The following PPFIA2 variants were observed in gnomAD, a reference collection of about 807,000 sequenced individuals.
PPFIA2 encodes PPFI scaffold protein A2.
In PPFIA2, 46 loss-of-function variants were observed where a neutral mutation model predicts 175.5. The ratio of observed to expected loss-of-function variants is 0.26; its 90% confidence interval spans 0.21 to 0.34. PPFIA2 has a LOEUF of 0.34. Among genes scored for constraint, PPFIA2 ranks in the 10% least tolerant of loss-of-function variants. The pLI is 1.00. For missense variants in PPFIA2, 1,179 were observed against 1,506.1 expected (o/e 0.78, Z 3.60); for synonymous variants, 568 against 511.4 (o/e 1.11, Z -1.49).
At chr12:81,707,885 A>C (rs1246649387) in intron 3 of PPFIA2, among the ~76,000 whole-genome samples, 1 of 151,424 alleles carries the variant, frequency 6.6e-6, no homozygotes, top group African/African-American at 2.4e-5. Context: ...ACATGGATGA[A>C]ATTGGAAATC....
chr12:81,673,463 G>T (rs1239412116), intron 4 of PPFIA2, among the ~76,000 whole-genome samples: 1 of 152,004 alleles, frequency 6.6e-6, no homozygotes, highest in African/African-American at 2.4e-5. Flanking sequence ...AAAACACTAT[G>T]ACAAAGTGGT....
intron 7 of PPFIA2, among the ~76,000 whole-genome samples, chr12:81,420,917 A>G (rs1026991030): frequency 1.3e-5 from 2 of 152,086 alleles, no homozygotes; most frequent in African/African-American, 4.8e-5. Context: ...GAAAGCCAAA[A>G]GAAAAAAGCA....
chr12:81,679,729 G>T (rs1444040724), intron 3 of PPFIA2, among the ~76,000 whole-genome samples: 1 of 151,874 alleles, frequency 6.6e-6, no homozygotes, highest in Non-Finnish European at 1.5e-5. Flanking sequence ...AAATGTTTGA[G>T]TTCATGTTCT....
chr12:81,456,725 T>G (rs1369062320), intron 5 of PPFIA2, among the ~76,000 whole-genome samples: 1 of 152,212 alleles, frequency 6.6e-6, no homozygotes, highest in Admixed American at 6.5e-5. Flanking sequence ...GTAATTTACA[T>G]GTTTATAAAA....
intron 8 of PPFIA2, among the ~76,000 whole-genome samples, chr12:81,385,284 C>T (rs1445788742): frequency 6.6e-6 from 1 of 152,046 alleles, no homozygotes; most frequent in Non-Finnish European, 1.5e-5. Context: ...ATAGCCACTA[C>T]AGAAAAAGGT....
chr12:81,605,153 T>G (rs2060164051), intron 4 of PPFIA2, among the ~76,000 whole-genome samples: 1 of 151,894 alleles, frequency 6.6e-6, no homozygotes, highest in South Asian at 2.1e-4. Flanking sequence ...GTGAGATATA[T>G]TCTGTTTTAA....
chr12:81,450,031 G>A, intron 5 of PPFIA2, among the ~76,000 whole-genome samples: 1 of 152,026 alleles, frequency 6.6e-6, no homozygotes, highest in African/African-American at 2.4e-5. Context: ...TCTCAATCCA[G>A]TCTATCATTG....
chr12:81,624,582 T>C (rs2062467206), intron 4 of PPFIA2, among the ~76,000 whole-genome samples: 1 of 146,114 alleles, frequency 6.8e-6, no homozygotes, highest in East Asian at 1.9e-4. Context: ...CCTGGACAAA[T>C]ATATATATAT....
Position 81,259,628 on chromosome 12 carries a change from C to G in PPFIA2, c.*66G>C. On this transcript the variant is annotated 3_prime_UTR_variant, in exon 33 of 33. Coordinates refer to ENST00000549396, the MANE Select transcript of PPFIA2 (RefSeq NM_003625.5). ...CTGCTCGTCTTCTTAGATGGTAGTG[C>G]ACTTTAGGTAGAGTAGACTGAAAAG... The G allele has an allele frequency of 2.0e-6, 3 of 1,533,594 alleles. No homozygotes were observed. Among genetic ancestry groups the G allele is most frequent in the Non-Finnish European group, 2.6e-6 (3 of 1,144,896 alleles). The allele number at this position is 1,533,594 out of a possible 1,614,324, so 95.0% of individuals were successfully genotyped here. A position where few individuals can be genotyped will look rare whatever the true frequency, so the allele number is the denominator to read the frequency against.
At chr12:81,603,501 T>C (rs2153458225) in intron 4 of PPFIA2, among the ~76,000 whole-genome samples, 1 of 151,458 alleles carries the variant, frequency 6.6e-6, no homozygotes, top group East Asian at 1.9e-4. Flanking sequence ...TTTATTATAT[T>C]GGAGGAAAAA....
At chr12:81,407,858 ATAAAGTT>A (rs1478446219) in intron 7 of PPFIA2, among the ~76,000 whole-genome samples, 8 of 152,244 alleles carry the variant, frequency 5.3e-5, no homozygotes, top group Non-Finnish European at 8.8e-5. Context: ...GTAGCACTCA[ATAAAGTT>A]TATTATTCCA....
At chr12:81,729,536 G>A (rs543276550) in intron 3 of PPFIA2, among the ~76,000 whole-genome samples, 5 of 151,648 alleles carry the variant, frequency 3.3e-5, no homozygotes, top group Middle Eastern at 3.4e-3. Context: ...AGCCTCAAGT[G>A]CGGTAAACAG....
intron 3 of PPFIA2, among the ~76,000 whole-genome samples, chr12:81,745,104 G>A (rs926435357): frequency 1.3e-5 from 2 of 152,218 alleles, no homozygotes; most frequent in South Asian, 2.1e-4. Context: ...TCAGACAGCC[G>A]TCCTAGCTTC....
chr12:81,286,929 C>T (rs2137309967), intron 24 of PPFIA2, among the ~76,000 whole-genome samples: 1 of 151,948 alleles, frequency 6.6e-6, no homozygotes, highest in South Asian at 2.1e-4. Context: ...CCTTGTATTC[C>T]CTGCTTCTAA....
At chr12:81,493,804 A>G (rs2059711145) in intron 4 of PPFIA2, among the ~76,000 whole-genome samples, 1 of 145,958 alleles carries the variant, frequency 6.9e-6, no homozygotes, top group Admixed American at 6.9e-5. Flanking sequence ...TGGAAAAAAT[A>G]ACAGCATTTT....
intron 30 of PPFIA2, 37 bp from the exon 31 acceptor site, chr12:81,263,427 A>G (rs761908267): frequency 1.3e-6 from 2 of 1,563,962 alleles, no homozygotes; most frequent in Non-Finnish European, 1.8e-6. Context: ...TATGAAAACA[A>G]GTAAACTAGT....
At chr12:81,465,585 T>C (rs1023301524) in intron 4 of PPFIA2, among the ~76,000 whole-genome samples, 2 of 152,188 alleles carry the variant, frequency 1.3e-5, no homozygotes, top group African/African-American at 4.8e-5. Context: ...ATAATTCTTC[T>C]AGCAATTCTA....
intron 3 of PPFIA2, among the ~76,000 whole-genome samples, chr12:81,683,582 A>G (rs184309674): frequency 3.9e-5 from 6 of 152,082 alleles, no homozygotes; most frequent in African/African-American, 9.6e-5. Flanking sequence ...CTCTCTGACT[A>G]TATCTTTTGC....
chr12:81,567,690 T>C (rs558738333), intron 4 of PPFIA2, among the ~76,000 whole-genome samples: 8 of 152,330 alleles, frequency 5.3e-5, no homozygotes, highest in Non-Finnish European at 1.2e-4. Context: ...GCTGGGAGTG[T>C]GATACATCCT....
Sources: allele counts gnomAD v4.1 joint callset (sites outside exome capture counted in the v4.1 genomes callset), GRCh38; gene constraint gnomAD v4.1.1; transcripts MANE v1.5; gene names NCBI Gene and HGNC (gene_info 2026-07-23, HGNC 2026-07-21).